The following BLK variants were observed in gnomAD, a reference collection of about 807,000 sequenced individuals.
BLK encodes the protein tyrosine-protein kinase Blk.
In BLK, 64 loss-of-function variants were observed where a neutral mutation model predicts 61.8. That is an observed-to-expected ratio of 1.03 (90% CI 0.85 to 1.27). BLK has a LOEUF of 1.27. Ranked by LOEUF, BLK falls within the 50% of genes most tolerant of loss-of-function variation. The probability of loss-of-function intolerance (pLI) is 0.00; values close to 1 mark genes in which losing one functional copy is unlikely to be tolerated. For synonymous variants in BLK, 351 were observed against 272.0 expected (o/e 1.29, Z -2.86); for missense variants, 853 against 660.5 (o/e 1.29, Z -3.19).
intron 7 of BLK, 38 bp from the exon 8 acceptor site, chr8:11,555,294 T>C: frequency 1.2e-6 from 2 of 1,613,666 alleles, no homozygotes; most frequent in Non-Finnish European, 1.7e-6. Flanking sequence ...CTGGCTGCTC[T>C]GGTAACCCCC....
chr8:11,527,609 T>C (rs2736364), intron 1 of BLK, among the ~76,000 whole-genome samples: 5 of 151,440 alleles, frequency 3.3e-5, no homozygotes, highest in African/African-American at 1.2e-4. Flanking sequence ...GTGGGCAGGG[T>C]AATAGATAAT....
chr8:11,559,948 C>T (rs556189376), intron 10 of BLK: 11 of 401,150 alleles, frequency 2.7e-5, no homozygotes, highest in Middle Eastern at 3.6e-4. Flanking sequence ...GATCTGGGCC[C>T]TACTCAACAT....
chr8:11,534,990 A>G (rs1800053123), intron 1 of BLK, among the ~76,000 whole-genome samples: 1 of 152,150 alleles, frequency 6.6e-6, no homozygotes, highest in Admixed American at 6.5e-5. Flanking sequence ...CCTGGGCAAC[A>G]TGATGAAATC....
At chr8:11,535,229 GAA>G (rs1554447991) in intron 1 of BLK, among the ~76,000 whole-genome samples, 1 of 89,740 alleles carries the variant, frequency 1.1e-5, no homozygotes, top group Non-Finnish European at 2.5e-5. Context: ...GAGAAAGAAA[GAA>G]AAAGAAAAGA....
chr8:11,537,609 C>G (rs1800185978), intron 1 of BLK, among the ~76,000 whole-genome samples: 1 of 152,196 alleles, frequency 6.6e-6, no homozygotes, highest in Non-Finnish European at 1.5e-5. Flanking sequence ...GCCCTGGAGA[C>G]AGTAACACCC....
At chr8:11,560,652 A>G (rs1801466414) in intron 10 of BLK, 1 of 352,708 alleles carries the variant, frequency 2.8e-6, no homozygotes. Context: ...GGGAGGAGAG[A>G]CAAGTCTCTT....
In BLK at chr8:11,517,062, G is replaced by A. The variant is rs142493832; in HGVS notation, c.-2+22471G>A. On this transcript the variant is annotated intron_variant, in intron 1 of 12. Transcript: ENST00000259089. ...ACTGGGGAGTTCTGAGTAGGGAAGC[G>A]ATGTGATGGGACCTAACATTTTTAT... Among the ~76,000 whole-genome samples, 737 of 152,338 alleles carry A rather than the reference G, an allele frequency of 4.8e-3. 3 individuals are homozygous for A. Among genetic ancestry groups the A allele is most frequent in the African/African-American group, 0.016 (661 of 41,586 alleles).
chr8:11,559,887 C>T lies in BLK; in HGVS notation c.1030-1415C>T, dbSNP rs567442447. The stretch of plus-strand genomic sequence containing the variant: ...AGAGAGCCCTTAGCTCAGGTGTTCC[C>T]GGAAGCACTGTTCTTGCTCAGCAGA... On this transcript the variant is annotated intron_variant, in intron 10 of 12. Coordinates refer to ENST00000259089, the MANE Select transcript of BLK (RefSeq NM_001715.3). 3.6e-4 allele frequency: 164 copies of T among 455,594 alleles called. 2 individuals are homozygous for T. The highest frequency in any genetic ancestry group is 2.4e-3 in the South Asian group (154 of 64,468). 28.2% of individuals were successfully genotyped at this position (455,594 alleles called of 1,614,324 possible).
rs756763291 is a variant in BLK, at chr8:11,556,690, A to T, written c.805A>T (p.Lys269Ter). The T allele has an allele frequency of 1.9e-6, 3 of 1,614,010 alleles. No homozygotes were observed. The highest frequency in any genetic ancestry group is 1.7e-5 in the Admixed American group (1 of 59,998). Residue 269 changes from lysine (K) to a stop codon, truncating the protein, a stop_gained, in exon 9 of 13, where the codon AAG (lysine) becomes TAG (stop). Transcript: ENST00000259089. LOFTEE classifies it high-confidence loss of function. ...CAAAAACAACATGAAGGTGGCCATT[A>T]AGACGCTGAAGGAGGGAACCATGTC... ...YYKNNMKVAI[K>*]TLKEGTMSPE...
intron 1 of BLK, among the ~76,000 whole-genome samples, chr8:11,513,600 G>A (rs527922889): frequency 4.6e-5 from 7 of 152,292 alleles, no homozygotes; most frequent in African/African-American, 1.4e-4. Flanking sequence ...CACAGCCCTC[G>A]CTGCACAGAG....
In BLK at chr8:11,564,127, G is replaced by T. The variant is rs768297151; in HGVS notation, c.*19G>T. ...GCCCTAGCCGGCCGCGCCCGCCTGC[G>T]CCCCGTGCCCACCTCTGCGCGGACG... On this transcript the variant is annotated 3_prime_UTR_variant, in exon 13 of 13. Coordinates refer to ENST00000259089, the MANE Select transcript of BLK (RefSeq NM_001715.3). 1.9e-6 allele frequency: 3 copies of T among 1,543,036 alleles called. No individual in the cohort carries two copies. The East Asian group carries it at 7.2e-5, about 37-fold the overall frequency.
At chr8:11,547,936 G>T (rs1344451889) in intron 3 of BLK, 96 bp from the exon 4 acceptor site, 10 of 1,055,556 alleles carry the variant, frequency 9.5e-6, no homozygotes, top group Admixed American at 1.7e-5. Context: ...TCGTGGGCAA[G>T]CAGAAGCCTG....
intron 4 of BLK, 86 bp from the exon 5 acceptor site, chr8:11,548,938 A>AG (rs1240898404): frequency 8.4e-7 from 1 of 1,194,474 alleles, no homozygotes; most frequent in Non-Finnish European, 1.2e-6. Context: ...CTCCAGGGAG[A>AG]GATGACTTTG....
chr8:11,509,367 G>C (rs1798907596), intron 1 of BLK: 1 of 152,154 alleles, frequency 6.6e-6, no homozygotes, highest in Non-Finnish European at 1.5e-5. Flanking sequence ...ATTGATATCT[G>C]ACTCACAGCC....
intron 9 of BLK, 169 bp from the exon 10 acceptor site, chr8:11,557,793 G>A (rs1490048541): frequency 9.4e-6 from 6 of 636,818 alleles, no homozygotes; most frequent in Non-Finnish European, 5.8e-6. Context: ...TTTGTAAAGT[G>A]GAAGGCACTC....
intron 1 of BLK, among the ~76,000 whole-genome samples, chr8:11,504,381 GA>G (rs869187058): frequency 0.41 from 35,071 of 85,004 alleles, 5,782 homozygotes; most frequent in East Asian, 0.7. Context: ...GAAAAGAAAA[GA>G]AAAGAAAAGA....
In BLK at chr8:11,561,427, C is replaced by G. The variant is rs770398225; in HGVS notation, c.1155C>G (p.Ile385Met). 6.2e-7 allele frequency: 1 copy of G among 1,613,992 alleles called. No homozygotes were observed. Among genetic ancestry groups the G allele is most frequent in the African/African-American group, 1.3e-5 (1 of 75,030 alleles). ...CTGATTTTGGCTTGGCTCGAATCAT[C>G]GACAGTGAATACACGGCCCAAGAGG... ...KIADFGLARI[I>M]DSEYTAQEGA... The change falls in exon 11 of 13, where the codon ATC (isoleucine) becomes ATG (methionine). Residue 385 changes from isoleucine (I) to methionine (M), a missense_variant. Ile to Met is a conservative substitution (Grantham distance 10). Transcript: ENST00000259089.
intron 1 of BLK, among the ~76,000 whole-genome samples, chr8:11,508,729 G>GC (rs1419721915): frequency 6.6e-6 from 1 of 152,202 alleles, no homozygotes; most frequent in African/African-American, 2.4e-5. Context: ...AAATAAGACA[G>GC]CCACTGTAGT....
intron 1 of BLK, among the ~76,000 whole-genome samples, chr8:11,513,850 G>C (rs913329189): frequency 6.6e-6 from 1 of 152,216 alleles, no homozygotes; most frequent in African/African-American, 2.4e-5. Context: ...AACCCTGTGT[G>C]AAGGGGGCTT....
Sources: gnomAD v4.1 joint callset for allele counts (sites outside exome capture counted in the v4.1 genomes callset) on GRCh38, gnomAD v4.1.1 for gene constraint, MANE v1.5 for transcripts, NCBI Gene and HGNC (gene_info 2026-07-23, HGNC 2026-07-21) for gene names.